Variants in RBFOX3 observed in about 807,000 individuals in gnomAD.
The protein encoded by RBFOX3 is RNA binding protein fox-1 homolog 3.
A neutral mutation model predicts 48.7 loss-of-function variants in RBFOX3; 17 were observed. The ratio of observed to expected loss-of-function variants is 0.35; its 90% CI spans 0.24 to 0.52. RBFOX3 has a LOEUF of 0.52. RBFOX3 is among the 20% of genes least tolerant of loss of function. The pLI is 0.94. For missense variants in RBFOX3, 382 were observed against 497.5 expected (o/e 0.77, Z 2.21); for synonymous variants, 212 against 209.5 (o/e 1.01, Z -0.10).
At chr17:79,382,728 C>T (rs2060078797) in intron 2 of RBFOX3, among the ~76,000 whole-genome samples, 1 of 152,228 alleles carries the variant, frequency 6.6e-6, no homozygotes, top group East Asian at 1.9e-4. Context: ...CCAATGTGGT[C>T]CTGGGCAGCG....
chr17:79,296,177 C>T lies in RBFOX3; in HGVS notation c.-74+11547G>A, dbSNP rs922515831. Among the ~76,000 whole-genome samples, 3 of 152,196 alleles carry T rather than the reference C, an allele frequency of 2.0e-5. No individual in the cohort carries two copies. The South Asian group carries it at 6.2e-4, about 32-fold the overall frequency. ...CACAGCTCTGAATTTGTGGGGCTCC[C>T]CAGTGTACAGACGCAAAAGGAAAAT... On this transcript the variant is annotated intron_variant, in intron 3 of 14. Coordinates refer to ENST00000693108, the MANE Select transcript of RBFOX3 (RefSeq NM_001350451.2).
In RBFOX3 at chr17:79,443,165, C is replaced by A. The variant is rs1413891253; in HGVS notation, c.-175+39289G>T. On this transcript the variant is annotated intron_variant, in intron 2 of 14. Transcript: ENST00000693108. The surrounding 1 kb of genome is among the most constrained non-coding windows in gnomAD (Gnocchi z 4.4). ...GCCTCCCCAACCAGCCACCTGGGAA[C>A]CCGAGGAAGTCAGATCAGCCGAAGG... Among the ~76,000 whole-genome samples, 2 of 152,296 alleles carry A rather than the reference C, an allele frequency of 1.3e-5. No homozygotes were observed. The highest frequency in any genetic ancestry group is 1.3e-4 in the Admixed American group (2 of 15,308).
chr17:79,593,586 A>G (rs2093483873), intron 1 of RBFOX3, among the ~76,000 whole-genome samples: 1 of 152,240 alleles, frequency 6.6e-6, no homozygotes, highest in Non-Finnish European at 1.5e-5. Flanking sequence ...ATCCTTTCTT[A>G]ATTCAATGCA....
intron 1 of RBFOX3, among the ~76,000 whole-genome samples, chr17:79,516,689 C>A (rs1161431352): frequency 1.3e-5 from 2 of 152,216 alleles, no homozygotes; most frequent in Non-Finnish European, 2.9e-5. Flanking sequence ...GATGGAGCCA[C>A]AGACTTGGGG....
intron 3 of RBFOX3, among the ~76,000 whole-genome samples, chr17:79,277,267 AG>A (rs2069080169): frequency 2.8e-5 from 1 of 35,378 alleles, no homozygotes; most frequent in Non-Finnish European, 6.1e-5. Flanking sequence ...CAAAGCTCCA[AG>A]GCCTCCAAGG....
intron 4 of RBFOX3, among the ~76,000 whole-genome samples, chr17:79,145,044 C>T (rs776748357): frequency 1.3e-5 from 2 of 152,126 alleles, no homozygotes; most frequent in South Asian, 2.1e-4. Context: ...GGCACTGAAT[C>T]GCAGCAAGGT....
chr17:79,581,246 T>TCAAAA (rs1192434678), intron 1 of RBFOX3, among the ~76,000 whole-genome samples: 60 of 151,936 alleles, frequency 3.9e-4, no homozygotes, highest in African/African-American at 2.4e-5. Flanking sequence ...AGACTCCATC[T>TCAAAA]CAAAACAAAA....
At chr17:79,216,077 C>T (rs1235284223) in intron 4 of RBFOX3, among the ~76,000 whole-genome samples, 2 of 152,238 alleles carry the variant, frequency 1.3e-5, no homozygotes, top group African/African-American at 4.8e-5. Context: ...CAGCGGGGGT[C>T]AAGATGTAAC....
At chr17:79,625,365 T>C in the RBFOX3 span, among the ~76,000 whole-genome samples, 1 of 152,182 alleles carries the variant, frequency 6.6e-6, no homozygotes, top group Non-Finnish European at 1.5e-5. Context: ...CATTGCTGAG[T>C]AGTATTCCAT....
chr17:79,463,152 C>A (rs1355680463), intron 2 of RBFOX3, among the ~76,000 whole-genome samples: 1 of 148,806 alleles, frequency 6.7e-6, no homozygotes, highest in African/African-American at 2.5e-5. Context: ...GCCACCTCCA[C>A]CACCATCGCC....
intron 1 of RBFOX3, among the ~76,000 whole-genome samples, chr17:79,521,045 T>G (rs903394108): frequency 6.6e-6 from 1 of 152,168 alleles, no homozygotes; most frequent in Non-Finnish European, 1.5e-5. Flanking sequence ...GCGCCACTCC[T>G]GGCTGTCTGG....
intron 1 of RBFOX3, among the ~76,000 whole-genome samples, chr17:79,559,288 G>T (rs2092007090): frequency 6.6e-6 from 1 of 152,116 alleles, no homozygotes; most frequent in South Asian, 2.1e-4. Context: ...GTGGGTCATG[G>T]TGGGTGGTGA....
intron 2 of RBFOX3, among the ~76,000 whole-genome samples, chr17:79,428,043 T>A (rs914884376): frequency 1.3e-5 from 2 of 152,228 alleles, no homozygotes; most frequent in African/African-American, 4.8e-5. Flanking sequence ...TATAACTGAA[T>A]GTCCAGGTCA....
At position 79,579,057 on chromosome 17, in the gene RBFOX3, C is replaced by T. The variant is rs937325118; in HGVS notation, c.-320+31769G>A. Among the ~76,000 whole-genome samples, 131 of 152,342 alleles carry T rather than the reference C, an allele frequency of 8.6e-4. 4 individuals are homozygous for T. In the South Asian group the frequency reaches 0.018, roughly 21 times the overall value. ...GTCCATCTCCCATGCGTCTCCGTCG[C>T]GTTCCCTCTTCCCTTCTGAACAGGA... On this transcript the variant is annotated intron_variant, in intron 1 of 14. Coordinates refer to ENST00000693108, the MANE Select transcript of RBFOX3 (RefSeq NM_001350451.2).
At chr17:79,271,927 C>A (rs1485647801) in intron 3 of RBFOX3, among the ~76,000 whole-genome samples, 1 of 152,228 alleles carries the variant, frequency 6.6e-6, no homozygotes, top group Non-Finnish European at 1.5e-5. Context: ...GAATCCACAC[C>A]AGCAGCCGGC....
chr17:79,351,491 C>T (rs1179529542), intron 2 of RBFOX3, among the ~76,000 whole-genome samples: 1 of 152,186 alleles, frequency 6.6e-6, no homozygotes, highest in Admixed American at 6.5e-5. Context: ...CCTCCACCTC[C>T]CAGCTTCAAT....
rs35469393 is a variant in RBFOX3 at position 79,392,085 on chromosome 17, C to T, written c.-174-84261G>A. On this transcript the variant is annotated intron_variant, in intron 2 of 14. Coordinates refer to ENST00000693108, the MANE Select transcript of RBFOX3 (RefSeq NM_001350451.2). This position sits in a 1 kb window ranked among gnomAD's most constrained non-coding sequence, Gnocchi z 5.0. The stretch of plus-strand genomic sequence containing the variant: ...CCATAGTGCCCGGGCACTTCGGACC[C>T]GCTGCGGGACCTTGGGCAAACTCTT... Among the ~76,000 whole-genome samples the T allele has an allele frequency of 2.4e-3, 367 of 152,346 alleles. 1 individual carries two copies. In the Middle Eastern group the frequency reaches 0.027, roughly 11 times the overall value.
Position 79,361,986 on chromosome 17 carries a change from G to A in RBFOX3, c.-174-54162C>T, listed in dbSNP as rs374931948. Among the ~76,000 whole-genome samples, 41 of 152,272 alleles carry A rather than the reference G, an allele frequency of 2.7e-4. No individual in the cohort carries two copies. The highest frequency in any genetic ancestry group is 5.3e-4 in the Non-Finnish European group (36 of 68,024). On this transcript the variant is annotated intron_variant, in intron 2 of 14. Coordinates refer to ENST00000693108, the MANE Select transcript of RBFOX3 (RefSeq NM_001350451.2). The surrounding 1 kb of genome is among the most constrained non-coding windows in gnomAD (Gnocchi z 4.5). ...ATGCAAGCGGTGTTGGCTCTTCTCC[G>A]AGATTCTTCGAGTCTCTCTGTAAAT...
At chr17:79,465,290 C>G (rs1329305141) in intron 2 of RBFOX3, among the ~76,000 whole-genome samples, 1 of 152,186 alleles carries the variant, frequency 6.6e-6, no homozygotes, top group Non-Finnish European at 1.5e-5. Flanking sequence ...GAGAAAAGCT[C>G]CATCCCATAA....
Sources: gnomAD v4.1 joint callset for allele counts (sites outside exome capture counted in the v4.1 genomes callset) on GRCh38, gnomAD v4.1.1 for gene constraint, Gnocchi (gnomAD v3.1) non-coding constraint, MANE v1.5 for transcripts, NCBI Gene and HGNC (gene_info 2026-07-23, HGNC 2026-07-21) for gene names.